Variants in TSPAN12 observed in about 807,000 individuals in gnomAD.
The protein encoded by TSPAN12 is tetraspanin-12.
In TSPAN12, 19 loss-of-function variants were observed where a neutral mutation model predicts 39.2. That is an observed-to-expected ratio of 0.49 (90% CI 0.34 to 0.71). The LOEUF (loss-of-function observed/expected upper bound fraction) is 0.71, where lower values mean the gene tolerates loss of function less well. TSPAN12 is among the 30% of genes least tolerant of loss of function. TSPAN12 has a pLI of 0.01. For synonymous variants in TSPAN12, 119 were observed against 124.8 expected, an observed-to-expected ratio of 0.95 and a Z score of 0.31; for missense variants, 314 against 359.9, an observed-to-expected ratio of 0.87 and a Z score of 1.03.
intron 5 of TSPAN12, among the ~76,000 whole-genome samples, chr7:120,811,166 C>T (rs1793973867): frequency 6.6e-6 from 1 of 152,164 alleles, no homozygotes; most frequent in African/African-American, 2.4e-5. Context: ...CTAGCACAAC[C>T]ACTATGGAAA....
intron 5 of TSPAN12, among the ~76,000 whole-genome samples, chr7:120,813,293 C>A (rs1333345303): frequency 6.6e-6 from 1 of 152,114 alleles, no homozygotes; most frequent in Non-Finnish European, 1.5e-5. Context: ...TTTTAAACAG[C>A]CCTTGCTCCA....
chr7:120,856,772 C>T lies in TSPAN12; in HGVS notation c.-9G>A. 1 of 1,614,132 alleles carries T rather than the reference C, an allele frequency of 6.2e-7. No individual in the cohort carries two copies. The highest frequency in any genetic ancestry group is 8.5e-7 in the Non-Finnish European group (1 of 1,180,006). On this transcript the variant is annotated 5_prime_UTR_variant, in exon 2 of 8. Coordinates refer to ENST00000222747, the MANE Select transcript of TSPAN12 (RefSeq NM_012338.4). The stretch of plus-strand genomic sequence containing the variant: ...GAATCTTCTCTGGCCATTGTGAGCC[C>T]CGTAAGGGAGAAGCCCCATCCTTTC...
chr7:120,847,965 C>G (rs146475456), intron 2 of TSPAN12, among the ~76,000 whole-genome samples: 1 of 152,246 alleles, frequency 6.6e-6, no homozygotes, highest in African/African-American at 2.4e-5. Context: ...TTTCTTAAAC[C>G]GTGCTTCCTG....
chr7:120,843,757 T>C (rs1299520271), intron 2 of TSPAN12, among the ~76,000 whole-genome samples: 1 of 152,188 alleles, frequency 6.6e-6, no homozygotes, highest in East Asian at 1.9e-4. Context: ...GCATACCTAA[T>C]TGACAGCAGA....
chr7:120,839,910 T>C, intron 3 of TSPAN12, 117 bp downstream of exon 3: 3 of 780,670 alleles, frequency 3.8e-6, no homozygotes, highest in Non-Finnish European at 6.7e-6. Context: ...CAAAGGTTGC[T>C]ATGGGCAGGA....
Position 120,851,541 on chromosome 7 carries a change from AAGG to A in TSPAN12, c.66+5154_66+5156del, listed in dbSNP as rs138021141. ...ATGTTCACCAATGTCAGAAATTTTC[AAGG>A]AGAACCATATTTATCTATATTTGCA... On this transcript the variant is annotated intron_variant, in intron 2 of 7. Transcript: ENST00000222747. 7.8e-3 allele frequency among the ~76,000 whole-genome samples: 1,193 copies of A among 152,312 alleles called. 15 individuals are homozygous for A. The highest frequency in any genetic ancestry group is 0.026 in the African/African-American group (1,075 of 41,554).
At chr7:120,796,617 A>G (rs1203057223) in intron 7 of TSPAN12, among the ~76,000 whole-genome samples, 1 of 152,210 alleles carries the variant, frequency 6.6e-6, no homozygotes, top group Non-Finnish European at 1.5e-5. Flanking sequence ...CTCTACACTC[A>G]GCTTGCTCTT....
chr7:120,846,119 G>T (rs767001479), intron 2 of TSPAN12, among the ~76,000 whole-genome samples: 8 of 152,032 alleles, frequency 5.3e-5, no homozygotes, highest in Non-Finnish European at 1.0e-4. Context: ...GAAGGGGGAG[G>T]TGCTACACAC....
rs984334325 is a variant in TSPAN12 at position 120,790,723 on chromosome 7, C to T, written c.613-1826G>A. On this transcript the variant is annotated intron_variant, in intron 7 of 7. Coordinates refer to ENST00000222747, the MANE Select transcript of TSPAN12 (RefSeq NM_012338.4). The stretch of plus-strand genomic sequence containing the variant: ...CCTGAGACATTAGATCATTAGCTTC[C>T]TGATGAAGCAGAGAAATATTTTACA... Among the ~76,000 whole-genome samples, 3 of 152,156 alleles carry T rather than the reference C, an allele frequency of 2.0e-5. No individual in the cohort carries two copies. The East Asian group carries it at 5.8e-4, about 29-fold the overall frequency.
chr7:120,824,923 G>A (rs1794256232), intron 4 of TSPAN12, among the ~76,000 whole-genome samples: 1 of 152,158 alleles, frequency 6.6e-6, no homozygotes, highest in South Asian at 2.1e-4. Context: ...AGCATGTTTA[G>A]AGAAAATATA....
chr7:120,838,986 C>T (rs745856503), intron 3 of TSPAN12, 74 bp from the exon 4 acceptor site: 1 of 1,468,432 alleles, frequency 6.8e-7, no homozygotes, highest in Non-Finnish European at 9.5e-7. Flanking sequence ...GAAGACACAA[C>T]TGTGATTTGT....
At chr7:120,796,371 A>G (rs549950966) in intron 7 of TSPAN12, among the ~76,000 whole-genome samples, 2 of 152,318 alleles carry the variant, frequency 1.3e-5, no homozygotes, top group African/African-American at 4.8e-5. Flanking sequence ...ATTTCAAGCA[A>G]AACTAAGGAC....
intron 5 of TSPAN12, among the ~76,000 whole-genome samples, chr7:120,814,470 T>C (rs1794042603): frequency 6.6e-6 from 1 of 152,180 alleles, no homozygotes; most frequent in Admixed American, 6.5e-5. Context: ...GCCCAAGAAC[T>C]ACATATGGAA....
Position 120,788,644 on chromosome 7 carries a change from T to C in TSPAN12, c.866A>G (p.His289Arg), listed in dbSNP as rs1181296321. ...LKPSLSRIFE[H>R]TSMANSFNTH... is the part of the protein sequence containing the mutation. Reference sequence around the variant, plus strand: ...ATTAAAGCTGTTTGCCATGGATGTGTGTTCAAAGATTCTTGACAGGCTTGG... The same window carrying C: ...ATTAAAGCTGTTTGCCATGGATGTGCGTTCAAAGATTCTTGACAGGCTTGG... Residue 289 changes from histidine (H) to arginine (R), a missense_variant, in exon 8 of 8, where the codon CAC becomes CGC. By Grantham distance (29) the His-to-Arg change is conservative. Coordinates refer to ENST00000222747, the MANE Select transcript of TSPAN12 (RefSeq NM_012338.4). The C allele has an allele frequency of 6.2e-7, 1 of 1,614,166 alleles. No homozygotes were observed. The highest frequency in any genetic ancestry group is 1.1e-5 in the South Asian group (1 of 91,078).
chr7:120,823,952 T>C (rs976577298), intron 4 of TSPAN12, among the ~76,000 whole-genome samples: 2 of 152,128 alleles, frequency 1.3e-5, no homozygotes, highest in African/African-American at 4.8e-5. Flanking sequence ...TTTAAATATG[T>C]TTTACATAGA....
intron 2 of TSPAN12, among the ~76,000 whole-genome samples, chr7:120,856,271 G>A (rs1199482740): frequency 9.9e-5 from 15 of 151,690 alleles, no homozygotes; most frequent in African/African-American, 3.4e-4. Flanking sequence ...CCTCGTCCCC[G>A]CCCACAAAAA....
chr7:120,807,181 C>T (rs1793890931), intron 6 of TSPAN12, among the ~76,000 whole-genome samples: 1 of 152,072 alleles, frequency 6.6e-6, no homozygotes, highest in African/African-American at 2.4e-5. Context: ...GACATCGATT[C>T]CTTAGCTAGT....
chr7:120,816,005 A>C (rs996587188), intron 4 of TSPAN12, among the ~76,000 whole-genome samples: 1 of 152,174 alleles, frequency 6.6e-6, no homozygotes, highest in Admixed American at 6.6e-5. Context: ...GTGAGCCCTA[A>C]TTTATTAGCC....
chr7:120,837,311 A>C (rs961131118), intron 4 of TSPAN12, among the ~76,000 whole-genome samples: 1 of 130,006 alleles, frequency 7.7e-6, no homozygotes, highest in African/African-American at 3.5e-5. Context: ...TTATTCATTT[A>C]TTTATTTTTT....
Sources: allele counts gnomAD v4.1 joint callset (sites outside exome capture counted in the v4.1 genomes callset), GRCh38; gene constraint gnomAD v4.1.1; transcripts MANE v1.5; gene names NCBI Gene and HGNC (gene_info 2026-07-23, HGNC 2026-07-21).